PDE4C: variants seen among roughly 807,000 people sequenced by gnomAD.
The protein encoded by PDE4C is 3',5'-cyclic-AMP phosphodiesterase 4C.
A neutral mutation model predicts 63.9 loss-of-function variants in PDE4C; 50 were observed. The ratio of observed to expected loss-of-function variants is 0.78; its 90% CI spans 0.62 to 0.99. PDE4C has a LOEUF of 0.99. Among genes scored for constraint, PDE4C ranks in the 50% least tolerant of loss-of-function variants. The probability of loss-of-function intolerance (pLI) is 0.00; values close to 1 mark genes in which losing one functional copy is unlikely to be tolerated. For synonymous variants in PDE4C, 377 were observed against 385.1 expected (o/e 0.98, Z 0.25); for missense variants, 777 against 899.1 (o/e 0.86, Z 1.74).
chr19:18,222,465 C>T, intron 1 of PDE4C, 142 bp from the exon 2 acceptor site: 1 of 661,618 alleles, frequency 1.5e-6, no homozygotes, highest in Non-Finnish European at 2.6e-6. Context: ...CTGCCCCCAG[C>T]TACACCCTCA....
chr19:18,217,435 G>A, intron 11 of PDE4C: 1 of 153,242 alleles, frequency 6.5e-6, no homozygotes. Flanking sequence ...CACAATGTTG[G>A]GATTACAGGT....
At chr19:18,229,776 G>A (rs894500534), upstream of PDE4C, among the ~76,000 whole-genome samples, 16 of 150,746 alleles carry the variant, frequency 1.1e-4, no homozygotes, top group Non-Finnish European at 2.2e-4. Flanking sequence ...ATGTGTAGAT[G>A]TTCGCATGGG....
At chr19:18,233,082 C>T (rs1032756619) in exon 1 of PDE4C, 1 of 1,570,030 alleles carries the variant, frequency 6.4e-7, no homozygotes, top group Non-Finnish European at 8.6e-7. Flanking sequence ...GATGGGGCGC[C>T]GGGGTTGCCG....
chr19:18,216,903 G>A lies in PDE4C; in HGVS notation c.1235-8C>T, dbSNP rs1302000517. On this transcript the variant is annotated splice_polypyrimidine_tract_variant and splice_region_variant and intron_variant, in intron 11 of 14. Transcript: ENST00000262805. ...TAAGCGCCAGCTCTGAGTCTGTGAGGGTATGGGACTGAGAGCCCCAAGATC... is the reference window on the plus strand; with the variant it reads ...TAAGCGCCAGCTCTGAGTCTGTGAGAGTATGGGACTGAGAGCCCCAAGATC... 6.3e-7 allele frequency: 1 copy of A among 1,598,650 alleles called. No homozygotes were observed. The highest frequency in any genetic ancestry group is 1.1e-5 in the South Asian group (1 of 89,624).
chr19:18,250,602 C>A (rs1240070651), upstream of PDE4C: 1 of 395,966 alleles, frequency 2.5e-6, no homozygotes, highest in East Asian at 3.6e-5. Flanking sequence ...GTTGAGGCTG[C>A]CACTTTTTAA....
chr19:18,229,086 C>T (rs1419582626), upstream of PDE4C, among the ~76,000 whole-genome samples: 5 of 149,572 alleles, frequency 3.3e-5, no homozygotes, highest in African/African-American at 1.2e-4. Flanking sequence ...CAGGCATGTG[C>T]CACCATGCCA....
upstream of PDE4C, among the ~76,000 whole-genome samples, chr19:18,231,333 G>C (rs1427475538): frequency 1.3e-5 from 2 of 152,254 alleles, no homozygotes; most frequent in African/African-American, 4.8e-5. Context: ...CTGCCTCCCA[G>C]AGCCAAGCGG....
upstream of PDE4C, among the ~76,000 whole-genome samples, chr19:18,228,792 C>A (rs1281153754): frequency 6.6e-6 from 1 of 152,200 alleles, no homozygotes; most frequent in Non-Finnish European, 1.5e-5. Context: ...GCTCTCCAAG[C>A]CCCGCTGGGT....
chr19:18,223,204 G>A (rs1464658296), intron 1 of PDE4C, among the ~76,000 whole-genome samples: 6 of 133,068 alleles, frequency 4.5e-5, no homozygotes, highest in South Asian at 4.6e-4. Flanking sequence ...CACCACGCCC[G>A]GCTAATTTTT....
exon 10 of PDE4C, chr19:18,218,341 G>C: frequency 6.2e-7 from 1 of 1,614,216 alleles, no homozygotes; most frequent in Non-Finnish European, 8.5e-7. Flanking sequence ...TACCTCGAGG[G>C]CGGGCGTAGC....
chr19:18,209,385 G>C (rs1486139886), downstream of PDE4C: 1 of 152,088 alleles, frequency 6.6e-6, no homozygotes, highest in Non-Finnish European at 1.5e-5. Flanking sequence ...CCGAGTAGCT[G>C]GGATTCAGGC....
intron 1 of PDE4C, among the ~76,000 whole-genome samples, chr19:18,247,913 G>A (rs973189983): frequency 1.3e-5 from 2 of 152,142 alleles, no homozygotes; most frequent in Non-Finnish European, 2.9e-5. Flanking sequence ...CCCGGACCTT[G>A]CAGCGGTCCC....
chr19:18,212,025 T>C (rs1967973479), intron 13 of PDE4C, 84 bp from the exon 14 acceptor site: 7 of 1,355,810 alleles, frequency 5.2e-6, no homozygotes, highest in Middle Eastern at 1.8e-4. Flanking sequence ...CTTGGTGCCA[T>C]GGACACATTC....
chr19:18,233,361 G>C (rs750893094), exon 1 of PDE4C: 1 of 882,932 alleles, frequency 1.1e-6, no homozygotes, highest in South Asian at 1.4e-5. Context: ...GGGGCTCAAG[G>C]TGGGGCCGAC....
downstream of PDE4C, chr19:18,209,552 AATTTTTTGT>A (rs1461911139): frequency 6.6e-6 from 1 of 150,668 alleles, no homozygotes; most frequent in African/African-American, 2.4e-5. Context: ...CCCAGCCTCT[AATTTTTTGT>A]ATTTTTAGTA....
exon 9 of PDE4C, chr19:18,218,960 T>G (rs1320887946): frequency 1.9e-6 from 3 of 1,613,452 alleles, no homozygotes. Flanking sequence ...CTGAATATGA[T>G]AGCTGTGAGG....
At chr19:18,224,186 C>G (rs1335041410) in intron 1 of PDE4C, 1 of 984,666 alleles carries the variant, frequency 1.0e-6, no homozygotes, top group African/African-American at 1.7e-5. Flanking sequence ...GGTCAGAGGT[C>G]AGAGAAAGGG....
At chr19:18,246,442 C>T (rs1391737055) in intron 1 of PDE4C, among the ~76,000 whole-genome samples, 2 of 151,924 alleles carry the variant, frequency 1.3e-5, no homozygotes, top group African/African-American at 4.8e-5. Flanking sequence ...CTCGGCCTCC[C>T]AAAGCGCTGA....
upstream of PDE4C, chr19:18,251,931 A>G (rs56154436): frequency 0.056 from 22,408 of 396,932 alleles, 761 homozygotes; most frequent in Middle Eastern, 0.074. Context: ...AGAGCTTTAG[A>G]CAATGGAGCA....
Sources: allele counts gnomAD v4.1 joint callset (sites outside exome capture counted in the v4.1 genomes callset), GRCh38; gene constraint gnomAD v4.1.1; transcripts MANE v1.5; gene names NCBI Gene and HGNC (gene_info 2026-07-23, HGNC 2026-07-21).